Variants in ACOXL observed in about 807,000 individuals in gnomAD.
ACOXL encodes acyl-CoA oxidase like, also known as acyl-coenzyme A oxidase-like protein.
Under a neutral mutation model 71.9 loss-of-function variants are expected in ACOXL, and 70 were observed. The observed-to-expected ratio is 0.97, with a 90% CI of 0.80 to 1.19. The LOEUF is 1.19. ACOXL is among the 50% of genes most tolerant of loss of function. The pLI, the probability that ACOXL is intolerant of heterozygous loss-of-function variation, is 0.00. For synonymous variants in ACOXL, 253 were observed against 281.6 expected (o/e 0.90, Z 1.02); for missense variants, 703 against 736.3 (o/e 0.95, Z 0.52).
At position 111,117,685 on chromosome 2, in the gene ACOXL, A is replaced by C. The variant is rs1055802922; in HGVS notation, c.1612A>C (p.Thr538Pro). ...GATCTCGACCTTTAACATTCCACAC[A>C]CCTACCTCCACGCACCAATCGCCGG... ...RVISTFNIPH[T>P]YLHAPIAGIS... is the part of the protein sequence containing the mutation. Residue 538 changes from threonine to proline, a missense_variant, in exon 18 of 18, where the codon ACC (threonine) becomes CCC (proline). Physicochemically the swap from Thr to Pro is conservative, Grantham distance 38. Coordinates refer to ENST00000439055, the MANE Select transcript of ACOXL (RefSeq NM_001142807.4). 9 of 1,551,546 alleles carry C rather than the reference A, an allele frequency of 5.8e-6. No homozygotes were observed. The African/African-American group carries it at 8.2e-5, about 14-fold the overall frequency.
Position 110,995,946 on chromosome 2 carries a change from C to T in ACOXL, c.1223C>T (p.Ala408Val). ...TVDDLAFLLK[A>V]VKFRERVLQR... is the part of the protein sequence containing the mutation. ...GATGATCTCGCCTTTCTGTTGAAAGCAGTGAAATTTCGTGAAAGGGTTCTT... is the reference window on the plus strand; with the variant it reads ...GATGATCTCGCCTTTCTGTTGAAAGTAGTGAAATTTCGTGAAAGGGTTCTT... Residue 408 changes from alanine to valine, a missense_variant, in exon 14 of 18, where the codon GCA becomes GTA. Physicochemically the swap from Ala to Val is moderately conservative, Grantham distance 64. Transcript: ENST00000439055. 1 of 1,609,152 alleles carries T rather than the reference C, an allele frequency of 6.2e-7. No homozygotes were observed. The highest frequency in any genetic ancestry group is 8.5e-7 in the Non-Finnish European group (1 of 1,179,898).
intron 10 of ACOXL, among the ~76,000 whole-genome samples, chr2:110,871,317 A>G (rs1323940958): frequency 1.3e-5 from 2 of 152,108 alleles, no homozygotes; most frequent in African/African-American, 2.4e-5. Context: ...GCTGAGAAAT[A>G]TTTGGAAATA....
At chr2:110,793,110 C>G (rs1421681849) in intron 3 of ACOXL, among the ~76,000 whole-genome samples, 1 of 152,208 alleles carries the variant, frequency 6.6e-6, no homozygotes, top group African/African-American at 2.4e-5. Flanking sequence ...GAAGCTGAGG[C>G]TACAATGTCA....
chr2:111,083,844 CT>C (rs2068059522), intron 16 of ACOXL, among the ~76,000 whole-genome samples: 1 of 152,264 alleles, frequency 6.6e-6, no homozygotes, highest in Admixed American at 6.5e-5. Flanking sequence ...AGGTCTACAA[CT>C]TTTAGCTTTC....
At chr2:110,852,804 C>T (rs1177311408) in intron 10 of ACOXL, among the ~76,000 whole-genome samples, 2 of 152,150 alleles carry the variant, frequency 1.3e-5, no homozygotes, top group African/African-American at 4.8e-5. Context: ...GGTAGAGCCT[C>T]AAGTGCCATG....
chr2:111,027,284 A>G (rs558894026), intron 14 of ACOXL, among the ~76,000 whole-genome samples: 2 of 151,752 alleles, frequency 1.3e-5, no homozygotes, highest in African/African-American at 4.8e-5. Context: ...AGCTGACAGC[A>G]TGGCAAAATT....
chr2:110,736,943 T>C (rs1340369152), intron 1 of ACOXL, among the ~76,000 whole-genome samples: 1 of 152,200 alleles, frequency 6.6e-6, no homozygotes, highest in Non-Finnish European at 1.5e-5. Context: ...TTCTTGTATC[T>C]GTTGATAGAC....
chr2:111,048,374 TGGG>T (rs2066120943), intron 15 of ACOXL, among the ~76,000 whole-genome samples: 1 of 152,214 alleles, frequency 6.6e-6, no homozygotes, highest in African/African-American at 2.4e-5. Flanking sequence ...CTAAACTAGT[TGGG>T]TTAACTTAGT....
At chr2:111,083,821 C>A (rs1253834780) in intron 16 of ACOXL, among the ~76,000 whole-genome samples, 1 of 152,162 alleles carries the variant, frequency 6.6e-6, no homozygotes, top group Non-Finnish European at 1.5e-5. Context: ...GACCTGTTAG[C>A]TCTTTCCTGC....
chr2:110,942,884 AAAAAG>A (rs927262618), intron 12 of ACOXL, among the ~76,000 whole-genome samples: 3 of 151,060 alleles, frequency 2.0e-5, no homozygotes, highest in Admixed American at 6.6e-5. Flanking sequence ...ACCCTGAAAA[AAAAAG>A]GAAGGCAGGA....
At chr2:110,765,802 C>G (rs1680977747) in intron 1 of ACOXL, among the ~76,000 whole-genome samples, 1 of 152,162 alleles carries the variant, frequency 6.6e-6, no homozygotes, top group Non-Finnish European at 1.5e-5. Context: ...CCCCTACTTT[C>G]TAATATAATC....
At chr2:111,048,404 G>A (rs944925744) in intron 15 of ACOXL, among the ~76,000 whole-genome samples, 1 of 152,226 alleles carries the variant, frequency 6.6e-6, no homozygotes. Context: ...CTTAATGCGT[G>A]TCAAATAAGT....
chr2:110,777,368 A>G (rs1472241721), intron 2 of ACOXL, among the ~76,000 whole-genome samples: 3 of 152,152 alleles, frequency 2.0e-5, no homozygotes. Flanking sequence ...TACATACATT[A>G]CTCCATTAAA....
chr2:111,087,226 G>A (rs913436189), intron 16 of ACOXL, among the ~76,000 whole-genome samples: 9 of 152,114 alleles, frequency 5.9e-5, no homozygotes, highest in East Asian at 1.9e-4. Context: ...TGGCCATCCT[G>A]ACCAAAACAT....
At chr2:110,827,580 C>T (rs1213849032) in intron 9 of ACOXL, among the ~76,000 whole-genome samples, 1 of 152,150 alleles carries the variant, frequency 6.6e-6, no homozygotes, top group Non-Finnish European at 1.5e-5. Context: ...TCAGTGAGAT[C>T]AGCTCTGAGT....
intron 11 of ACOXL, among the ~76,000 whole-genome samples, chr2:110,927,764 C>G (rs2149319768): frequency 6.6e-6 from 1 of 152,346 alleles, no homozygotes; most frequent in East Asian, 1.9e-4. Context: ...CAGATTAATT[C>G]ACCTACAAAA....
intron 10 of ACOXL, among the ~76,000 whole-genome samples, chr2:110,890,135 C>T (rs1010118118): frequency 6.6e-6 from 1 of 151,988 alleles, no homozygotes; most frequent in South Asian, 2.1e-4. Flanking sequence ...ATTCTTTATC[C>T]ATGTTTAAAA....
At chr2:110,944,270 T>A (rs1389450237) in intron 12 of ACOXL, among the ~76,000 whole-genome samples, 2 of 151,960 alleles carry the variant, frequency 1.3e-5, no homozygotes, top group Admixed American at 6.6e-5. Flanking sequence ...GCAAGGGTGG[T>A]CTTGAATTCC....
intron 10 of ACOXL, among the ~76,000 whole-genome samples, chr2:110,863,081 A>T (rs557668980): frequency 6.6e-6 from 1 of 152,354 alleles, no homozygotes; most frequent in East Asian, 1.9e-4. Flanking sequence ...TAAATACATA[A>T]AAAGGACCTT....
Sources: allele counts gnomAD v4.1 joint callset (sites outside exome capture counted in the v4.1 genomes callset), GRCh38; gene constraint gnomAD v4.1.1; transcripts MANE v1.5; gene names NCBI Gene and HGNC (gene_info 2026-07-23, HGNC 2026-07-21).